Variants in CCDC38 observed in about 807,000 individuals in gnomAD.
CCDC38 encodes the protein coiled-coil domain-containing protein 38.
In CCDC38, 69 loss-of-function variants were observed where a neutral mutation model predicts 72.8. The observed-to-expected ratio is 0.95, with a 90% CI of 0.78 to 1.16. The LOEUF (loss-of-function observed/expected upper bound fraction) is 1.16, where lower values mean the gene tolerates loss of function less well. Ranked by LOEUF, CCDC38 falls within the 50% of genes most tolerant of loss-of-function variation. The pLI is 0.00. For missense variants in CCDC38, 626 were observed against 638.9 expected (o/e 0.98, Z 0.22); for synonymous variants, 201 against 213.2 (o/e 0.94, Z 0.50).
chr12:95,888,450 T>C lies in CCDC38; in HGVS notation c.920+8A>G. The C allele has an allele frequency of 6.2e-7, 1 of 1,613,268 alleles. No individual in the cohort carries two copies. The highest frequency in any genetic ancestry group is 1.1e-5 in the South Asian group (1 of 91,064). On this transcript the variant is annotated splice_region_variant and intron_variant, in intron 10 of 15. Transcript: ENST00000344280. ...TTTCCAAGGGAGTTAGTCAAGTATA[T>C]ACTGTACTTTGATTTCTTTTTCTCT...
intron 4 of CCDC38, among the ~76,000 whole-genome samples, chr12:95,907,552 C>A (rs1169802119): frequency 7.7e-6 from 1 of 129,540 alleles, no homozygotes; most frequent in African/African-American, 3.3e-5. Context: ...CCTCACCTCC[C>A]GGACGAGGCG....
At chr12:95,876,557 A>G (rs1182111791) in intron 13 of CCDC38, among the ~76,000 whole-genome samples, 1 of 152,162 alleles carries the variant, frequency 6.6e-6, no homozygotes, top group Admixed American at 6.5e-5. Flanking sequence ...GGTTATGTAT[A>G]TTGTACCACA....
intron 2 of CCDC38, among the ~76,000 whole-genome samples, chr12:95,923,029 T>A (rs763829422): frequency 1.3e-5 from 2 of 152,054 alleles, no homozygotes; most frequent in Non-Finnish European, 2.9e-5. Flanking sequence ...TCCAATCTCT[T>A]GAGGGTCTGA....
At chr12:95,926,357 A>G (rs2080270773) in intron 2 of CCDC38, among the ~76,000 whole-genome samples, 2 of 152,108 alleles carry the variant, frequency 1.3e-5, no homozygotes, top group Non-Finnish European at 2.9e-5. Context: ...CTCTGATGGT[A>G]GTTTGTATTT....
intron 7 of CCDC38, among the ~76,000 whole-genome samples, chr12:95,895,708 G>A (rs1352836549): frequency 1.0e-4 from 14 of 138,372 alleles, no homozygotes; most frequent in African/African-American, 3.3e-4. Context: ...GGCCGAGATC[G>A]TGCCATTGCA....
chr12:95,912,747 T>C (rs1047385292), intron 4 of CCDC38, among the ~76,000 whole-genome samples: 1 of 152,126 alleles, frequency 6.6e-6, no homozygotes, highest in Admixed American at 6.6e-5. Context: ...ATGATTATTA[T>C]GGGGTCAATT....
At chr12:95,890,179 T>C (rs1407267541) in intron 9 of CCDC38, among the ~76,000 whole-genome samples, 1 of 152,194 alleles carries the variant, frequency 6.6e-6, no homozygotes, top group East Asian at 1.9e-4. Flanking sequence ...CCCAAAGTGC[T>C]GGGATTAAAG....
chr12:95,917,047 A>T, intron 4 of CCDC38, 82 bp downstream of exon 4: 3 of 1,074,896 alleles, frequency 2.8e-6, no homozygotes, highest in Non-Finnish European at 3.9e-6. Flanking sequence ...GTCTGTTTTA[A>T]TCACCCTCCA....
At chr12:95,890,960 CAGAG>C (rs1272581268) in intron 8 of CCDC38, 30 bp from the exon 9 acceptor site, 2 of 1,272,114 alleles carry the variant, frequency 1.6e-6, no homozygotes, top group East Asian at 4.7e-5. Context: ...AGGAGAGAGA[CAGAG>C]AAAGATGGGG....
At chr12:95,932,124 A>G (rs1230823685) in intron 2 of CCDC38, among the ~76,000 whole-genome samples, 3 of 152,164 alleles carry the variant, frequency 2.0e-5, no homozygotes, top group Admixed American at 2.0e-4. Flanking sequence ...GGCTTTGAAC[A>G]GAGAAGGAAT....
intron 7 of CCDC38, 56 bp downstream of exon 7, chr12:95,898,329 A>G: frequency 1.3e-6 from 2 of 1,524,818 alleles, no homozygotes; most frequent in Non-Finnish European, 1.8e-6. Flanking sequence ...CCTGGCATGA[A>G]TAGGTTTTAA....
At chr12:95,876,569 T>A (rs1419197166) in intron 13 of CCDC38, among the ~76,000 whole-genome samples, 2 of 152,058 alleles carry the variant, frequency 1.3e-5, no homozygotes, top group Non-Finnish European at 2.9e-5. Context: ...TGTACCACAG[T>A]TTTAAAAAAA....
chr12:95,935,873 G>A (rs1215396730), intron 2 of CCDC38, among the ~76,000 whole-genome samples: 1 of 152,164 alleles, frequency 6.6e-6, no homozygotes, highest in Non-Finnish European at 1.5e-5. Context: ...GAGGTCAGGA[G>A]TTTGAGACCA....
At position 95,887,046 on chromosome 12, in the gene CCDC38, G is replaced by A. The variant is rs535260637; in HGVS notation, c.920+1412C>T. 8.5e-5 allele frequency among the ~76,000 whole-genome samples: 13 copies of A among 152,274 alleles called. No homozygotes were observed. The East Asian group carries it at 1.4e-3, about 16-fold the overall frequency. On this transcript the variant is annotated intron_variant, in intron 10 of 15. Coordinates refer to ENST00000344280, the MANE Select transcript of CCDC38 (RefSeq NM_182496.3). Reference sequence around the variant, plus strand: ...TAAAAATAACAAAAATTAGCTGGGCGTAGTGGCAGGCACCTGTAATCCCAG... The same window carrying A: ...TAAAAATAACAAAAATTAGCTGGGCATAGTGGCAGGCACCTGTAATCCCAG...
chr12:95,902,280 A>G (rs1324660303), intron 5 of CCDC38, among the ~76,000 whole-genome samples: 1 of 152,184 alleles, frequency 6.6e-6, no homozygotes, highest in African/African-American at 2.4e-5. Context: ...TGACATATGT[A>G]TATACTTGGG....
intron 15 of CCDC38, 66 bp downstream of exon 15, chr12:95,869,414 A>G: frequency 8.5e-7 from 1 of 1,181,956 alleles, no homozygotes; most frequent in South Asian, 1.3e-5. Context: ...AGACGAATAA[A>G]GTATTTTGTT....
intron 2 of CCDC38, among the ~76,000 whole-genome samples, chr12:95,925,805 GT>G (rs2080264025): frequency 6.6e-6 from 1 of 151,006 alleles, no homozygotes; most frequent in Admixed American, 6.6e-5. Context: ...TAATCATGTG[GT>G]TTTTGTCTTT....
At chr12:95,870,850 C>T (rs1337988698) in intron 14 of CCDC38, among the ~76,000 whole-genome samples, 2 of 152,190 alleles carry the variant, frequency 1.3e-5, no homozygotes, top group Non-Finnish European at 2.9e-5. Context: ...ACACTACTGG[C>T]TAATATTTGA....
At chr12:95,916,501 C>A (rs1268984449) in intron 4 of CCDC38, among the ~76,000 whole-genome samples, 1 of 151,782 alleles carries the variant, frequency 6.6e-6, no homozygotes, top group Non-Finnish European at 1.5e-5. Flanking sequence ...CTCCATCATC[C>A]TAGCATTAAT....
Sources: gnomAD v4.1 joint callset for allele counts (sites outside exome capture counted in the v4.1 genomes callset) on GRCh38, gnomAD v4.1.1 for gene constraint, MANE v1.5 for transcripts, NCBI Gene and HGNC (gene_info 2026-07-23, HGNC 2026-07-21) for gene names.